LRIG3: variants seen among roughly 807,000 people sequenced by gnomAD.
LRIG3 encodes leucine-rich repeats and immunoglobulin-like domains protein 3.
Under a neutral mutation model 114.5 loss-of-function variants are expected in LRIG3, and 76 were observed. The observed-to-expected ratio is 0.66, with a 90% CI of 0.55 to 0.80. LRIG3 has a LOEUF of 0.80. Ranked by LOEUF, LRIG3 falls within the 30% of genes least tolerant of loss-of-function variation. The pLI, the probability that LRIG3 is intolerant of heterozygous loss-of-function variation, is 0.00. For synonymous variants in LRIG3, 512 were observed against 519.8 expected, an observed-to-expected ratio of 0.98 and a Z score of 0.20; for missense variants, 1,239 against 1,382.8, an observed-to-expected ratio of 0.90 and a Z score of 1.65.
intron 1 of LRIG3, 51 bp downstream of exon 1, chr12:58,919,949 C>G: frequency 6.6e-7 from 1 of 1,513,212 alleles, no homozygotes; most frequent in South Asian, 1.2e-5. Context: ...CTCCTGTTTT[C>G]TCGAATCTCC....
At chr12:58,887,144 C>T (rs369837236) in intron 8 of LRIG3, 11 of 434,062 alleles carry the variant, frequency 2.5e-5, no homozygotes, top group African/African-American at 2.0e-4. Flanking sequence ...ATCAAAATGA[C>T]TACATTCTGA....
chr12:58,890,741 G>A lies in LRIG3; in HGVS notation c.439C>T (p.Leu147Phe). 9 of 1,605,880 alleles carry A rather than the reference G, an allele frequency of 5.6e-6. No homozygotes were observed. Among genetic ancestry groups the A allele is most frequent in the Non-Finnish European group, 7.6e-6 (9 of 1,176,616 alleles). Residue 147 changes from leucine (L) to phenylalanine (F), a missense_variant, in exon 4 of 19, where the codon CTT becomes TTT. By Grantham distance (22) the Leu-to-Phe change is conservative. Coordinates refer to ENST00000320743, the MANE Select transcript of LRIG3 (RefSeq NM_153377.5). ...TTGCTGCTAAGGTCCAAAGTTTCAAGGGACTGAAACTCTTTCAGATGTTCA... is the reference window on the plus strand; with the variant it reads ...TTGCTGCTAAGGTCCAAAGTTTCAAAGGACTGAAACTCTTTCAGATGTTCA... Reference protein sequence around the residue: ...LPEHLKEFQSLETLDLSSNNI... With the variant: ...LPEHLKEFQSFETLDLSSNNI...
intron 13 of LRIG3, chr12:58,880,313 A>T: frequency 3.6e-6 from 2 of 560,772 alleles, no homozygotes; most frequent in Non-Finnish European, 6.4e-6. Flanking sequence ...AAAAAAAAAA[A>T]GAAAAAGAAA....
chr12:58,877,712 T>C lies in LRIG3; in HGVS notation c.2224A>G (p.Arg742Gly). The change falls in exon 15 of 19, where the codon AGG becomes GGG. Residue 742 changes from arginine (R) to glycine (G), a missense_variant. Physicochemically the swap from Arg to Gly is moderately radical, Grantham distance 125. Transcript: ENST00000320743. ...TGATTGCCTGCTGCAAAAAAGTGCC[T>C]CTCGGTTACCACCAATGGGCTATCA... ...KDDSPLVVTERHFFAAGNQLL... is the reference protein window; with the variant it reads ...KDDSPLVVTEGHFFAAGNQLL... The C allele has an allele frequency of 6.2e-7, 1 of 1,614,188 alleles. No individual in the cohort carries two copies. Among genetic ancestry groups the C allele is most frequent in the South Asian group, 1.1e-5 (1 of 91,088 alleles).
At chr12:58,918,122 A>C (rs1372769100) in intron 1 of LRIG3, among the ~76,000 whole-genome samples, 1 of 152,242 alleles carries the variant, frequency 6.6e-6, no homozygotes, top group Non-Finnish European at 1.5e-5. Context: ...ATAAGTGATC[A>C]CAGCAGGGTT....
chr12:58,915,331 GTGTTTAAAACGGAGTTTTTTAAATAA>G (rs1192367888), intron 1 of LRIG3, among the ~76,000 whole-genome samples: 1 of 152,134 alleles, frequency 6.6e-6, no homozygotes, highest in Non-Finnish European at 1.5e-5. Flanking sequence ...AATTTTTTTG[GTGTTTAAAACGGAGTTTTTTAAATAA>G]CCAAAGTTGA....
At chr12:58,886,725 G>T in intron 9 of LRIG3, 85 bp downstream of exon 9, 1 of 1,083,892 alleles carries the variant, frequency 9.2e-7, no homozygotes. Flanking sequence ...ATCTCTTCAT[G>T]ATGTCAACTT....
At chr12:58,907,279 G>GTC (rs1489000888) in intron 3 of LRIG3, among the ~76,000 whole-genome samples, 1 of 152,190 alleles carries the variant, frequency 6.6e-6, no homozygotes, top group African/African-American at 2.4e-5. Flanking sequence ...TGGGCATTCT[G>GTC]AAGAGCTTGA....
At chr12:58,875,159 G>A (rs1237873463) in intron 16 of LRIG3, among the ~76,000 whole-genome samples, 1 of 152,172 alleles carries the variant, frequency 6.6e-6, no homozygotes, top group Admixed American at 6.5e-5. Flanking sequence ...AGTAATGCTG[G>A]TGGCCCAGAG....
In LRIG3 at chr12:58,894,118, G is replaced by T. The variant is rs866392842; in HGVS notation, c.384-3322C>A. Among the ~76,000 whole-genome samples the T allele has an allele frequency of 2.0e-5, 3 of 152,264 alleles. No individual in the cohort carries two copies. The South Asian group carries it at 6.2e-4, about 32-fold the overall frequency. On this transcript the variant is annotated intron_variant, in intron 3 of 18. Coordinates refer to ENST00000320743, the MANE Select transcript of LRIG3 (RefSeq NM_153377.5). The stretch of plus-strand genomic sequence containing the variant: ...GGTATTAAAACTGCCAATTACTTGA[G>T]TGACGAATAAAATTTTCCTTGCAGT...
intron 3 of LRIG3, among the ~76,000 whole-genome samples, chr12:58,901,390 T>C (rs1022085699): frequency 6.6e-6 from 1 of 152,230 alleles, no homozygotes; most frequent in Non-Finnish European, 1.5e-5. Flanking sequence ...TATACTGCCA[T>C]GCCAGACAGG....
In LRIG3 at chr12:58,906,935, A is replaced by G. The variant is rs1872089581; in HGVS notation, c.383+7047T>C. Among the ~76,000 whole-genome samples, 3 of 151,200 alleles carry G rather than the reference A, an allele frequency of 2.0e-5. No individual in the cohort carries two copies. In the South Asian group the frequency reaches 6.3e-4, roughly 32 times the overall value. Reference sequence around the variant, plus strand: ...GTAGATTCTTTGCTTAACTGTAGTCATTTTATTCCCCTGCTTAAAAAAAAA... The same window carrying G: ...GTAGATTCTTTGCTTAACTGTAGTCGTTTTATTCCCCTGCTTAAAAAAAAA... On this transcript the variant is annotated intron_variant, in intron 3 of 18. Transcript: ENST00000320743.
intron 14 of LRIG3, among the ~76,000 whole-genome samples, chr12:58,878,092 A>G: frequency 6.6e-6 from 1 of 152,066 alleles, no homozygotes; most frequent in Non-Finnish European, 1.5e-5. Context: ...AGCTTCCCTC[A>G]CTTTTGCAAA....
intron 3 of LRIG3, among the ~76,000 whole-genome samples, chr12:58,896,033 A>C (rs1871630172): frequency 6.6e-6 from 1 of 152,228 alleles, no homozygotes; most frequent in South Asian, 2.1e-4. Context: ...TCTAAGACAC[A>C]GAGTGCAGAC....
At chr12:58,902,022 T>C (rs764398541) in intron 3 of LRIG3, among the ~76,000 whole-genome samples, 2 of 152,216 alleles carry the variant, frequency 1.3e-5, no homozygotes, top group African/African-American at 4.8e-5. Context: ...TAATATAATA[T>C]AGCAAGCTGT....
chr12:58,881,443 G>C (rs1277221930), intron 12 of LRIG3, among the ~76,000 whole-genome samples: 1 of 144,084 alleles, frequency 6.9e-6, no homozygotes, highest in Non-Finnish European at 1.5e-5. Flanking sequence ...AAAAAAAGCT[G>C]ATAGCAAAAG....
Position 58,874,227 on chromosome 12 carries a change from G to A in LRIG3, c.2943C>T (p.Cys981=), listed in dbSNP as rs140112794. The A allele has an allele frequency of 5.0e-4, 809 of 1,614,132 alleles. 1 individual carries two copies. Among genetic ancestry groups the A allele is most frequent in the Admixed American group, 1.4e-3 (82 of 60,024 alleles). The part of the protein sequence containing the change: ...YPCSHPSEES[C]ERSFSNISWP... ...ACGATATATTACTGAAGCTCCGTTC[G>A]CAGGATTCTTCTGAAGGATGAGAAC... Residue 981 remains cysteine (C), a synonymous_variant, in exon 18 of 19, where the codon TGC becomes TGT. Transcript: ENST00000320743.
chr12:58,888,892 G>C lies in LRIG3; in HGVS notation c.730C>G (p.Leu244Val). The C allele has an allele frequency of 1.2e-6, 2 of 1,613,838 alleles. No homozygotes were observed. The highest frequency in any genetic ancestry group is 1.7e-6 in the Non-Finnish European group (2 of 1,179,850). Residue 244 changes from leucine to valine, a missense_variant, in exon 6 of 19, where the codon CTG (leucine) becomes GTG (valine). By Grantham distance (32) the Leu-to-Val change is conservative. Coordinates refer to ENST00000320743, the MANE Select transcript of LRIG3 (RefSeq NM_153377.5). ...GTTACTCCATTTCTTTGCATTTTCAGAGACTTCAGAGCACCAAGGCCTTGG... is the reference window on the plus strand; with the variant it reads ...GTTACTCCATTTCTTTGCATTTTCACAGACTTCAGAGCACCAAGGCCTTGG... ...TFQGLGALKSLKMQRNGVTKL... is the reference protein window; with the variant it reads ...TFQGLGALKSVKMQRNGVTKL...
intron 4 of LRIG3, among the ~76,000 whole-genome samples, chr12:58,890,415 TG>T (rs1387176063): frequency 6.6e-6 from 1 of 152,184 alleles, no homozygotes; most frequent in Non-Finnish European, 1.5e-5. Flanking sequence ...TGATTTTGAT[TG>T]TTTTTTTAAA....
Sources: allele counts gnomAD v4.1 joint callset (sites outside exome capture counted in the v4.1 genomes callset), GRCh38; gene constraint gnomAD v4.1.1; transcripts MANE v1.5; gene names NCBI Gene and HGNC (gene_info 2026-07-23, HGNC 2026-07-21).